Variants in HS6ST3 observed in about 807,000 individuals in gnomAD.
HS6ST3 encodes the protein heparan-sulfate 6-O-sulfotransferase 3.
HS6ST3 carries 12 observed loss-of-function variants against 36.7 expected under a neutral mutation model. That is an observed-to-expected ratio of 0.33 (90% CI 0.21 to 0.53). The LOEUF (loss-of-function observed/expected upper bound fraction) is 0.53. HS6ST3 is among the 20% of genes least tolerant of loss of function. HS6ST3 has a pLI of 0.95. For synonymous variants in HS6ST3, 240 were observed against 257.5 expected (o/e 0.93, Z 0.65); for missense variants, 584 against 640.9 (o/e 0.91, Z 0.96).
At chr13:96,658,124 G>T (rs1006993286) in intron 1 of HS6ST3, among the ~76,000 whole-genome samples, 1 of 151,894 alleles carries the variant, frequency 6.6e-6, no homozygotes, top group Non-Finnish European at 1.5e-5. Context: ...CTGAACTTTT[G>T]TGTGTCTGGA....
In HS6ST3 at chr13:96,464,138, C is replaced by CAAAAAAAAAAAAAAAAAAAAAAA. The variant is rs67305199; in HGVS notation, c.708-368351_708-368329dup. Among the ~76,000 whole-genome samples, 32 of 38,784 alleles carry CAAAAAAAAAAAAAAAAAAAAAAA rather than the reference C, an allele frequency of 8.3e-4. 9 individuals carry two copies. Among genetic ancestry groups the CAAAAAAAAAAAAAAAAAAAAAAA allele is most frequent in the Non-Finnish European group, 1.6e-3 (31 of 19,902 alleles). 25.4% of individuals were successfully genotyped at this position (38,784 alleles called of 152,430 possible). A position where few individuals can be genotyped will look rare whatever the true frequency, so the allele number is the denominator to read the frequency against. The stretch of plus-strand genomic sequence containing the variant: ...TCCTCAGGAAAGGACTGTCAGGCCT[C>CAAAAAAAAAAAAAAAAAAAAAAA]AAAAAAAAAAAAAAAAAAAAAAATC... On this transcript the variant is annotated intron_variant, in intron 1 of 1. Coordinates refer to ENST00000376705, the MANE Select transcript of HS6ST3 (RefSeq NM_153456.4).
intron 1 of HS6ST3, among the ~76,000 whole-genome samples, chr13:96,374,433 C>T (rs969714471): frequency 1.2e-4 from 19 of 152,244 alleles, no homozygotes; most frequent in Middle Eastern, 3.4e-3. Context: ...TTCCCATTCT[C>T]TGTGATTTCA....
At chr13:96,692,570 G>A (rs998509559) in intron 1 of HS6ST3, among the ~76,000 whole-genome samples, 1 of 151,990 alleles carries the variant, frequency 6.6e-6, no homozygotes, top group African/African-American at 2.4e-5. Context: ...GCATTCAGGG[G>A]GCTTGTGCAA....
intron 1 of HS6ST3, among the ~76,000 whole-genome samples, chr13:96,701,835 A>G (rs1875296332): frequency 6.6e-6 from 1 of 152,066 alleles, no homozygotes; most frequent in South Asian, 2.1e-4. Context: ...GGAGGCGTGA[A>G]TCTGTGGACC....
chr13:96,538,855 T>C (rs2056166493), intron 1 of HS6ST3, among the ~76,000 whole-genome samples: 1 of 152,224 alleles, frequency 6.6e-6, no homozygotes, highest in South Asian at 2.1e-4. Flanking sequence ...CAGTGGAATT[T>C]ATACCATTTC....
At chr13:96,478,664 G>C (rs145910909) in intron 1 of HS6ST3, among the ~76,000 whole-genome samples, 2 of 151,978 alleles carry the variant, frequency 1.3e-5, no homozygotes, top group Non-Finnish European at 2.9e-5. Context: ...TATATTTAGC[G>C]TTTGCTTTGT....
At chr13:96,135,509 G>T (rs1451508232) in intron 1 of HS6ST3, among the ~76,000 whole-genome samples, 1 of 152,128 alleles carries the variant, frequency 6.6e-6, no homozygotes, top group Admixed American at 6.5e-5. Context: ...GTTTGCTATT[G>T]GCGGTATCCC....
intron 1 of HS6ST3, among the ~76,000 whole-genome samples, chr13:96,551,207 T>C (rs2138948580): frequency 6.6e-6 from 1 of 152,324 alleles, no homozygotes; most frequent in Non-Finnish European, 1.5e-5. Context: ...ATAAGGAAGA[T>C]TAATATTCTT....
chr13:96,137,739 T>C (rs1270659642), intron 1 of HS6ST3, among the ~76,000 whole-genome samples: 2 of 152,174 alleles, frequency 1.3e-5, no homozygotes, highest in Non-Finnish European at 2.9e-5. Context: ...TGGGCCACCA[T>C]GTCAGCATTT....
Position 96,152,246 on chromosome 13 carries a change from T to A in HS6ST3, c.707+60677T>A, listed in dbSNP as rs183035501. On this transcript the variant is annotated intron_variant, in intron 1 of 1. Transcript: ENST00000376705. ...CATTTCTTAAATGTCCCCTCTGCTATTATTGCCACTCCCCAGTTGAGACTG... is the reference window on the plus strand; with the variant it reads ...CATTTCTTAAATGTCCCCTCTGCTAATATTGCCACTCCCCAGTTGAGACTG... Among the ~76,000 whole-genome samples, 520 of 152,244 alleles carry A rather than the reference T, an allele frequency of 3.4e-3. 3 individuals carry two copies. Among genetic ancestry groups the A allele is most frequent in the African/African-American group, 0.012 (500 of 41,540 alleles).
chr13:96,185,720 A>G (rs535098485), intron 1 of HS6ST3, among the ~76,000 whole-genome samples: 3 of 152,340 alleles, frequency 2.0e-5, no homozygotes, highest in Admixed American at 6.5e-5. Flanking sequence ...TTCAGTGGCA[A>G]TGGTTCAATT....
chr13:96,726,111 C>T (rs1594845911), intron 1 of HS6ST3, among the ~76,000 whole-genome samples: 2 of 152,190 alleles, frequency 1.3e-5, no homozygotes. Flanking sequence ...GCTGGGATTA[C>T]AGGTGTGAGC....
At chr13:96,463,309 G>T (rs1230050122) in intron 1 of HS6ST3, among the ~76,000 whole-genome samples, 2 of 152,096 alleles carry the variant, frequency 1.3e-5, no homozygotes, top group Admixed American at 6.6e-5. Context: ...AGCACACCAA[G>T]AACTCAGGCA....
chr13:96,374,464 G>A (rs1200714493), intron 1 of HS6ST3, among the ~76,000 whole-genome samples: 3 of 152,024 alleles, frequency 2.0e-5, no homozygotes, highest in Admixed American at 6.6e-5. Context: ...CCTTCATGTA[G>A]CATTCCTCAA....
chr13:96,665,166 C>CA (rs1457258405), intron 1 of HS6ST3, among the ~76,000 whole-genome samples: 3 of 151,912 alleles, frequency 2.0e-5, no homozygotes, highest in Non-Finnish European at 4.4e-5. Flanking sequence ...GACCCTGTCT[C>CA]AAAAAGATAA....
chr13:96,501,594 A>T (rs971941918), intron 1 of HS6ST3, among the ~76,000 whole-genome samples: 1 of 152,216 alleles, frequency 6.6e-6, no homozygotes, highest in East Asian at 1.9e-4. Flanking sequence ...GCCCTTAGCA[A>T]CTGCTCCAGG....
rs980371424 is a variant in HS6ST3, at chr13:96,153,770, C to G, written c.707+62201C>G. On this transcript the variant is annotated intron_variant, in intron 1 of 1. Transcript: ENST00000376705. Reference sequence around the variant, plus strand: ...ACTTTAAAAATGTAATCAGTGATGTCAACCTTTATTAATGGAGGTATCAGT... The same window carrying G: ...ACTTTAAAAATGTAATCAGTGATGTGAACCTTTATTAATGGAGGTATCAGT... 5.3e-5 allele frequency among the ~76,000 whole-genome samples: 8 copies of G among 152,312 alleles called. No individual in the cohort carries two copies. The East Asian group carries it at 9.6e-4, about 18-fold the overall frequency.
At chr13:96,226,931 G>A (rs1158403408) in intron 1 of HS6ST3, among the ~76,000 whole-genome samples, 1 of 152,130 alleles carries the variant, frequency 6.6e-6, no homozygotes, top group Non-Finnish European at 1.5e-5. Flanking sequence ...AGTCAGTAGT[G>A]TCTTGGTGCT....
At chr13:96,542,073 G>A (rs1324942059) in intron 1 of HS6ST3, among the ~76,000 whole-genome samples, 3 of 152,048 alleles carry the variant, frequency 2.0e-5, no homozygotes, top group Admixed American at 6.6e-5. Flanking sequence ...AAACCTTTTT[G>A]ATTCAAAAAT....
Sources: allele counts gnomAD v4.1 joint callset (sites outside exome capture counted in the v4.1 genomes callset), GRCh38; gene constraint gnomAD v4.1.1; transcripts MANE v1.5; gene names NCBI Gene and HGNC (gene_info 2026-07-23, HGNC 2026-07-21).